Variants in MFSD2A observed in about 807,000 individuals in gnomAD.
The protein encoded by MFSD2A is sodium-dependent lysophosphatidylcholine symporter 1.
MFSD2A carries 27 observed loss-of-function variants against 64.7 expected under a neutral mutation model. The observed-to-expected ratio is 0.42, with a 90% CI of 0.31 to 0.58. The LOEUF is 0.58. MFSD2A is among the 20% of genes least tolerant of loss of function. The pLI is 0.18. For missense variants in MFSD2A, 474 were observed against 679.5 expected (o/e 0.70, Z 3.36); for synonymous variants, 258 against 273.4 (o/e 0.94, Z 0.55).
Position 39,965,281 on chromosome 1 carries a change from G to C in MFSD2A, c.424G>C (p.Gly142Arg). The C allele has an allele frequency of 6.2e-7, 1 of 1,613,992 alleles. No homozygotes were observed. Among genetic ancestry groups the C allele is most frequent in the East Asian group, 2.2e-5 (1 of 44,870 alleles). Residue 142 changes from glycine (G) to arginine (R), a missense_variant, in exon 4 of 14, where the codon GGC (glycine) becomes CGC (arginine). Physicochemically the swap from Gly to Arg is moderately radical, Grantham distance 125. Transcript: ENST00000372811. The surrounding 1 kb of genome is among the most constrained non-coding windows in gnomAD (Gnocchi z 5.5). Reference sequence around the variant, plus strand: ...CTGGTTCGTGCCCGACTTCCCACACGGCCAGACCTATTGGTACCTGCTTTT... The same window carrying C: ...CTGGTTCGTGCCCGACTTCCCACACCGCCAGACCTATTGGTACCTGCTTTT... ...LIWFVPDFPH[G>R]QTYWYLLFYC... is the part of the protein sequence containing the mutation.
chr1:39,966,092 C>G, intron 6 of MFSD2A, 78 bp downstream of exon 6: 1 of 1,494,124 alleles, frequency 6.7e-7, no homozygotes, highest in Non-Finnish European at 9.2e-7. Context: ...AAGATAGTAA[C>G]AGCTAGTGTT....
In MFSD2A at chr1:39,958,392, G is replaced by A. The variant is rs988070050; in HGVS notation, c.229-309G>A. Among the ~76,000 whole-genome samples, 1 of 152,192 alleles carries A rather than the reference G, an allele frequency of 6.6e-6. No individual in the cohort carries two copies. Among genetic ancestry groups the A allele is most frequent in the African/African-American group, 2.4e-5 (1 of 41,444 alleles). On this transcript the variant is annotated intron_variant, in intron 2 of 13. Coordinates refer to ENST00000372811, the MANE Select transcript of MFSD2A (RefSeq NM_032793.5). This position sits in a 1 kb window ranked among gnomAD's most constrained non-coding sequence, Gnocchi z 4.7. The stretch of plus-strand genomic sequence containing the variant: ...GGTGGTCAGGAGCTCAGGGCTGAGA[G>A]AGGGAGGGAAGGAAATGTTTGTGGA...
In MFSD2A at chr1:39,968,026, G is replaced by C; in HGVS notation, c.1208+110G>C. 2 of 709,294 alleles carry C rather than the reference G, an allele frequency of 2.8e-6. No homozygotes were observed. Among genetic ancestry groups the C allele is most frequent in the South Asian group, 3.7e-5 (2 of 54,132 alleles). The allele number at this position is 709,294 out of a possible 1,614,324, so 43.9% of individuals were successfully genotyped here. ...TGTTCTCCCACAGGCCATTCTGTGG[G>C]TCCAGGTTAGGAGTGGGGGAGGTCT... On this transcript the variant is annotated intron_variant, in intron 11 of 13. Transcript: ENST00000372811. The surrounding 1 kb of genome is among the most constrained non-coding windows in gnomAD (Gnocchi z 4.4).
Position 39,968,196 on chromosome 1 carries a change from C to T in MFSD2A, c.1209-138C>T, listed in dbSNP as rs1645205004. On this transcript the variant is annotated intron_variant, in intron 11 of 13. Coordinates refer to ENST00000372811, the MANE Select transcript of MFSD2A (RefSeq NM_032793.5). This position sits in a 1 kb window ranked among gnomAD's most constrained non-coding sequence, Gnocchi z 4.4. ...TTCCTCTTAGAGCAAGAGGCCTTTT[C>T]TTATTCATGTGAAGGTCCCATATCC... 1 of 1,045,128 alleles carries T rather than the reference C, an allele frequency of 9.6e-7. No homozygotes were observed. The highest frequency in any genetic ancestry group is 1.4e-6 in the Non-Finnish European group (1 of 722,322). The allele number at this position is 1,045,128 out of a possible 1,614,324, so 64.7% of individuals were successfully genotyped here. A position where few individuals can be genotyped will look rare whatever the true frequency, so the allele number is the denominator to read the frequency against.
At chr1:39,959,685 ATT>A (rs35703630) in intron 3 of MFSD2A, among the ~76,000 whole-genome samples, 5 of 150,378 alleles carry the variant, frequency 3.3e-5, no homozygotes, top group African/African-American at 1.2e-4. Context: ...TGGTGGATTA[ATT>A]TTTTTTTTTG....
In MFSD2A at chr1:39,964,647, G is replaced by GGT. The variant is rs150120965; in HGVS notation, c.354-548_354-547dup. On this transcript the variant is annotated intron_variant, in intron 3 of 13. Coordinates refer to ENST00000372811, the MANE Select transcript of MFSD2A (RefSeq NM_032793.5). This position sits in a 1 kb window ranked among gnomAD's most constrained non-coding sequence, Gnocchi z 4.1. Reference sequence around the variant, plus strand: ...ATGCCAGCTTCCCTGTGTGTGAATGGGTGTGTGTGTGTGTGTGAATGGGGT... The same window carrying GGT: ...ATGCCAGCTTCCCTGTGTGTGAATGGGTGTGTGTGTGTGTGTGTGAATGGGGT... 2.2e-3 allele frequency: 336 copies of GGT among 150,514 alleles called. 2 individuals carry two copies. The highest frequency in any genetic ancestry group is 0.014 in the Middle Eastern group (4 of 292). 9.3% of individuals were successfully genotyped at this position (150,514 alleles called of 1,614,324 possible).
chr1:39,966,030 G>C lies in MFSD2A; in HGVS notation c.714+16G>C. ...CAGGGAAACGGTGAGGCCCTGGGCA[G>C]GGCAGGGATTTGGGGAGATAAGGAA... On this transcript the variant is annotated intron_variant, in intron 6 of 13. Coordinates refer to ENST00000372811, the MANE Select transcript of MFSD2A (RefSeq NM_032793.5). The C allele has an allele frequency of 6.2e-7, 1 of 1,613,712 alleles. No homozygotes were observed. The highest frequency in any genetic ancestry group is 8.5e-7 in the Non-Finnish European group (1 of 1,179,692).
At chr1:39,959,866 G>A (rs530851743) in intron 3 of MFSD2A, among the ~76,000 whole-genome samples, 4 of 152,316 alleles carry the variant, frequency 2.6e-5, no homozygotes, top group African/African-American at 9.6e-5. Flanking sequence ...CCTAGTACAG[G>A]CCACACCAGG....
At chr1:39,956,218 G>A (rs1182798207) in intron 1 of MFSD2A, among the ~76,000 whole-genome samples, 2 of 152,194 alleles carry the variant, frequency 1.3e-5, no homozygotes, top group Non-Finnish European at 2.9e-5. Flanking sequence ...GGAGCTCAGG[G>A]GTGGAGGGCG....
In MFSD2A at chr1:39,967,831, G is replaced by A; in HGVS notation, c.1123G>A (p.Ala375Thr). The A allele has an allele frequency of 6.2e-7, 1 of 1,613,878 alleles. No homozygotes were observed. The highest frequency in any genetic ancestry group is 8.5e-7 in the Non-Finnish European group (1 of 1,179,850). ...AGCAGTGCCATTTCTCATCTTGGTG[G>A]CCCTCATGGAGAGTAACCTCATCAT... The part of the protein sequence containing the change: ...SSAVPFLILV[A>T]LMESNLIITY... Residue 375 changes from alanine to threonine, a missense_variant, in exon 11 of 14, where the codon GCC becomes ACC. Physicochemically the swap from Ala to Thr is moderately conservative, Grantham distance 58. Transcript: ENST00000372811.
In MFSD2A at chr1:39,968,415, CTA is replaced by C; in HGVS notation, c.1292_1293del (p.Tyr431CysfsTer64). On this transcript the variant is annotated frameshift_variant, in exon 12 of 14. Transcript: ENST00000372811. LOFTEE classifies it high-confidence loss of function. This position sits in a 1 kb window ranked among gnomAD's most constrained non-coding sequence, Gnocchi z 4.4. ...GAACCGAGCCCATCTTCTTCTCCTTCTATGTCTTCTTCACCAAGTTTGCCTCT... is the reference window on the plus strand; with the variant it reads ...GAACCGAGCCCATCTTCTTCTCCTTCTGTCTTCTTCACCAAGTTTGCCTCT... ...HGTEPIFFSF[Y>X]VFFTKFASGV... The C allele has an allele frequency of 1.9e-6, 3 of 1,614,208 alleles. No individual in the cohort carries two copies. The highest frequency in any genetic ancestry group is 2.5e-6 in the Non-Finnish European group (3 of 1,180,032).
chr1:39,965,667 A>G lies in MFSD2A; in HGVS notation c.556+118A>G, dbSNP rs1356828567. The G allele has an allele frequency of 9.4e-6, 12 of 1,282,976 alleles. No individual in the cohort carries two copies. In the Admixed American group the frequency reaches 1.9e-4, roughly 20 times the overall value. 79.5% of individuals were successfully genotyped at this position (1,282,976 alleles called of 1,614,324 possible). Reference sequence around the variant, plus strand: ...GTGTGGGTGTGAAACCATCTTAAAAATAACTCAATCCCCTTATTGCTCAGA... The same window carrying G: ...GTGTGGGTGTGAAACCATCTTAAAAGTAACTCAATCCCCTTATTGCTCAGA... On this transcript the variant is annotated intron_variant, in intron 5 of 13. Transcript: ENST00000372811. The surrounding 1 kb of genome is among the most constrained non-coding windows in gnomAD (Gnocchi z 5.5).
rs1644968005 is a variant in MFSD2A, at chr1:39,958,210, G to A, written c.229-491G>A. Among the ~76,000 whole-genome samples the A allele has an allele frequency of 6.6e-6, 1 of 152,116 alleles. No homozygotes were observed. Among genetic ancestry groups the A allele is most frequent in the African/African-American group, 2.4e-5 (1 of 41,400 alleles). ...GCGGGGAGGGGGATAACTTGAGTGG[G>A]TAGTGACAAGTCCCTTTTTAAAAAG... On this transcript the variant is annotated intron_variant, in intron 2 of 13. Coordinates refer to ENST00000372811, the MANE Select transcript of MFSD2A (RefSeq NM_032793.5). This position sits in a 1 kb window ranked among gnomAD's most constrained non-coding sequence, Gnocchi z 4.7.
chr1:39,969,468 G>C (rs1645236184), intron 13 of MFSD2A, 37 bp from the exon 14 acceptor site: 2 of 1,583,256 alleles, frequency 1.3e-6, no homozygotes. Context: ...GGTAAGGATG[G>C]ATGCTTCCTC....
In MFSD2A at chr1:39,968,227, G is replaced by A; in HGVS notation, c.1209-107G>A. 7.4e-7 allele frequency: 1 copy of A among 1,349,738 alleles called. No homozygotes were observed. The highest frequency in any genetic ancestry group is 1.0e-6 in the Non-Finnish European group (1 of 959,438). The allele number at this position is 1,349,738 out of a possible 1,614,324, so 83.6% of individuals were successfully genotyped here. A position where few individuals can be genotyped will look rare whatever the true frequency, so the allele number is the denominator to read the frequency against. ...CATGTGAAGGTCCCATATCCTCACT[G>A]AGCTGTGTACCCATGGTACTGCAAG... On this transcript the variant is annotated intron_variant, in intron 11 of 13. Transcript: ENST00000372811. The surrounding 1 kb of genome is among the most constrained non-coding windows in gnomAD (Gnocchi z 4.4).
chr1:39,965,340 T>A lies in MFSD2A; in HGVS notation c.477+6T>A. 3 of 1,613,920 alleles carry A rather than the reference T, an allele frequency of 1.9e-6. No individual in the cohort carries two copies. Among genetic ancestry groups the A allele is most frequent in the Non-Finnish European group, 2.5e-6 (3 of 1,179,984 alleles). On this transcript the variant is annotated splice_donor_region_variant and intron_variant, in intron 4 of 13. Coordinates refer to ENST00000372811, the MANE Select transcript of MFSD2A (RefSeq NM_032793.5). This position sits in a 1 kb window ranked among gnomAD's most constrained non-coding sequence, Gnocchi z 5.5. ...TCTTTGAAACAATGGTCACGGTGAG[T>A]GTGGGTACCTCCCTTGGGTGTCTCT... is the stretch of plus-strand genomic sequence containing the variant.
intron 8 of MFSD2A, 34 bp from the exon 9 acceptor site, chr1:39,967,052 T>C: frequency 6.2e-7 from 1 of 1,612,788 alleles, no homozygotes; most frequent in African/African-American, 1.3e-5. Context: ...ACCTCCTTCC[T>C]TGCATTTCCT....
intron 13 of MFSD2A, among the ~76,000 whole-genome samples, chr1:39,969,134 C>T (rs934456502): frequency 6.6e-6 from 1 of 152,164 alleles, no homozygotes; most frequent in South Asian, 2.1e-4. Flanking sequence ...CTGAAAGGGG[C>T]GGAGCTGGGG....
intron 1 of MFSD2A, among the ~76,000 whole-genome samples, chr1:39,956,776 T>A (rs1270457896): frequency 6.6e-6 from 1 of 151,098 alleles, no homozygotes; most frequent in Non-Finnish European, 1.5e-5. Flanking sequence ...ATTAGCTGGG[T>A]GTGGTAGTGG....
Sources: allele counts gnomAD v4.1 joint callset (sites outside exome capture counted in the v4.1 genomes callset), GRCh38; gene constraint gnomAD v4.1.1; non-coding constraint Gnocchi (gnomAD v3.1); transcripts MANE v1.5; gene names NCBI Gene and HGNC (gene_info 2026-07-23, HGNC 2026-07-21).